The following HS2ST1 variants were observed in gnomAD, a reference collection of about 807,000 sequenced individuals.
The protein encoded by HS2ST1 is heparan sulfate 2-O-sulfotransferase 1, also known as 2-O-sulfotransferase.
In HS2ST1, 18 loss-of-function variants were observed where a neutral mutation model predicts 42.9. That is an observed-to-expected ratio of 0.42 (90% CI 0.29 to 0.62). The LOEUF (loss-of-function observed/expected upper bound fraction) is 0.62, where lower values mean the gene tolerates loss of function less well. HS2ST1 is among the 20% of genes least tolerant of loss of function. The pLI is 0.21. For synonymous variants in HS2ST1, 146 were observed against 152.9 expected, an observed-to-expected ratio of 0.95 and a Z score of 0.33; for missense variants, 334 against 433.8, an observed-to-expected ratio of 0.77 and a Z score of 2.04.
intron 1 of HS2ST1, among the ~76,000 whole-genome samples, chr1:87,018,322 AGCT>A (rs1649823252): frequency 6.6e-6 from 1 of 152,150 alleles, no homozygotes. Context: ...GGAGGAAGGG[AGCT>A]TCTTTACTAG....
Position 86,923,283 on chromosome 1 carries a change from G to C in HS2ST1, c.124+8123G>C, listed in dbSNP as rs1570423523. 3.9e-5 allele frequency among the ~76,000 whole-genome samples: 6 copies of C among 152,214 alleles called. 1 individual carries two copies. In the East Asian group the frequency reaches 1.2e-3, roughly 29 times the overall value. Reference sequence around the variant, plus strand: ...ACTTACAAAAGAAAGAGGCTTAATTGGACTTACAGTTCACATGGCTGGGGA... The same window carrying C: ...ACTTACAAAAGAAAGAGGCTTAATTCGACTTACAGTTCACATGGCTGGGGA... On this transcript the variant is annotated intron_variant, in intron 1 of 6. Transcript: ENST00000370550.
intron 1 of HS2ST1, among the ~76,000 whole-genome samples, chr1:86,939,018 T>G (rs972425174): frequency 4.6e-5 from 7 of 152,214 alleles, no homozygotes; most frequent in Non-Finnish European, 7.4e-5. Flanking sequence ...AAGTGTTGTT[T>G]TTTTTAGAAA....
intron 2 of HS2ST1, among the ~76,000 whole-genome samples, chr1:87,083,345 TTGG>T (rs372240146): frequency 7.0e-4 from 106 of 152,280 alleles, no homozygotes; most frequent in African/African-American, 2.5e-3. Context: ...GCGGTACAGG[TTGG>T]TGGACCTCAC....
In HS2ST1 at chr1:87,044,751, A is replaced by G. The variant is rs143899275; in HGVS notation, c.125-28183A>G. 4.6e-3 allele frequency among the ~76,000 whole-genome samples: 707 copies of G among 152,378 alleles called. 4 individuals are homozygous for G. The highest frequency in any genetic ancestry group is 0.02 in the Middle Eastern group (6 of 294). On this transcript the variant is annotated intron_variant, in intron 1 of 6. Coordinates refer to ENST00000370550, the MANE Select transcript of HS2ST1 (RefSeq NM_012262.4). The stretch of plus-strand genomic sequence containing the variant: ...TTAAAGCTATATTCCTACTTTCAGT[A>G]TAGCATACTGCAGTGTGTCTAACAG...
chr1:87,002,877 A>G (rs573274587), intron 1 of HS2ST1, among the ~76,000 whole-genome samples: 28 of 152,334 alleles, frequency 1.8e-4, no homozygotes, highest in African/African-American at 6.7e-4. Flanking sequence ...GATATGGAAC[A>G]ATGGCTCTTG....
chr1:86,920,711 T>C (rs917831036), intron 1 of HS2ST1, among the ~76,000 whole-genome samples: 1 of 152,208 alleles, frequency 6.6e-6, no homozygotes, highest in Non-Finnish European at 1.5e-5. Context: ...ATAGATGAAC[T>C]TCATAATCAT....
chr1:87,101,156 G>GTTTTTTTTTTTTTTTT (rs1162453464), intron 5 of HS2ST1, among the ~76,000 whole-genome samples: 1 of 91,100 alleles, frequency 1.1e-5, no homozygotes, highest in Non-Finnish European at 2.0e-5. Context: ...TGTGTTTTTT[G>GTTTTTTTTTTTTTTTT]TTTTTTTTTT....
intron 1 of HS2ST1, among the ~76,000 whole-genome samples, chr1:87,032,613 G>C (rs1054775338): frequency 6.6e-6 from 1 of 152,094 alleles, no homozygotes; most frequent in African/African-American, 2.4e-5. Context: ...GATTGTTCCA[G>C]ATCAGCAGTT....
chr1:86,991,523 C>G (rs1482239711), intron 1 of HS2ST1, among the ~76,000 whole-genome samples: 1 of 152,172 alleles, frequency 6.6e-6, no homozygotes, highest in African/African-American at 2.4e-5. Context: ...AATGTATTTA[C>G]ACATCTACTT....
At chr1:86,982,218 A>G (rs1648617527) in intron 1 of HS2ST1, among the ~76,000 whole-genome samples, 1 of 152,056 alleles carries the variant, frequency 6.6e-6, no homozygotes, top group Non-Finnish European at 1.5e-5. Flanking sequence ...TGATGATACC[A>G]CTGTTCCTTC....
chr1:87,085,284 A>G (rs1017910327), intron 3 of HS2ST1, among the ~76,000 whole-genome samples: 6 of 152,156 alleles, frequency 3.9e-5, no homozygotes, highest in Non-Finnish European at 1.5e-5. Context: ...ACCTTGATAT[A>G]TTGGTCAACT....
At chr1:86,966,913 C>T (rs1233069338) in intron 1 of HS2ST1, among the ~76,000 whole-genome samples, 8 of 142,616 alleles carry the variant, frequency 5.6e-5, no homozygotes, top group African/African-American at 1.3e-4. Context: ...TTTTTTGAGG[C>T]GGAATTTCGC....
intron 1 of HS2ST1, among the ~76,000 whole-genome samples, chr1:87,033,824 G>A (rs186074939): frequency 7.2e-5 from 11 of 152,282 alleles, no homozygotes; most frequent in African/African-American, 1.9e-4. Context: ...GATTACAGGC[G>A]TGAGCCACCG....
At chr1:87,101,149 GTTTTTTGTTTT>G (rs1213569004) in intron 5 of HS2ST1, among the ~76,000 whole-genome samples, 6 of 59,540 alleles carry the variant, frequency 1.0e-4, no homozygotes, top group African/African-American at 2.0e-4. Context: ...GTGTGTGTGT[GTTTTTTGTTTT>G]TTTTTTTTTT....
At chr1:87,080,458 A>AT (rs1205464896) in intron 2 of HS2ST1, among the ~76,000 whole-genome samples, 2 of 152,108 alleles carry the variant, frequency 1.3e-5, no homozygotes, top group Non-Finnish European at 2.9e-5. Flanking sequence ...AGAAGTTGAG[A>AT]TTTTCAGTGT....
chr1:87,060,103 T>G (rs1281777876), intron 1 of HS2ST1, among the ~76,000 whole-genome samples: 1 of 152,134 alleles, frequency 6.6e-6, no homozygotes, highest in Non-Finnish European at 1.5e-5. Context: ...GTTTTTGGCT[T>G]TGGTTGTGGT....
intron 1 of HS2ST1, among the ~76,000 whole-genome samples, chr1:87,001,435 T>G (rs566352536): frequency 6.6e-6 from 1 of 152,212 alleles, no homozygotes; most frequent in Non-Finnish European, 1.5e-5. Flanking sequence ...AAGGAGAAAA[T>G]TTGTAATCTA....
chr1:87,089,627 T>A (rs1186409616), intron 3 of HS2ST1, among the ~76,000 whole-genome samples: 1 of 152,056 alleles, frequency 6.6e-6, no homozygotes, highest in African/African-American at 2.4e-5. Context: ...CCAGTTGCTA[T>A]TTTTAATCAT....
rs1451835276 is a variant in HS2ST1, at chr1:86,914,806, G to A, written c.-231G>A. 5 of 564,564 alleles carry A rather than the reference G, an allele frequency of 8.9e-6. No individual in the cohort carries two copies. Among genetic ancestry groups the A allele is most frequent in the Non-Finnish European group, 1.6e-5 (5 of 320,212 alleles). 35.0% of individuals were successfully genotyped at this position (564,564 alleles called of 1,614,324 possible). A position where few individuals can be genotyped will look rare whatever the true frequency, so the allele number is the denominator to read the frequency against. Reference sequence around the variant, plus strand: ...CTGTTTGCTGCGCGGGCTTTTGGAGGGGGCGGCCGTTTAGTCGGCTGAGGA... The same window carrying A: ...CTGTTTGCTGCGCGGGCTTTTGGAGAGGGCGGCCGTTTAGTCGGCTGAGGA... On this transcript the variant is annotated 5_prime_UTR_variant, in exon 1 of 7. Transcript: ENST00000370550.
Sources: allele counts gnomAD v4.1 joint callset (sites outside exome capture counted in the v4.1 genomes callset), GRCh38; gene constraint gnomAD v4.1.1; transcripts MANE v1.5; gene names NCBI Gene and HGNC (gene_info 2026-07-23, HGNC 2026-07-21).